CACNA1C: variants seen among roughly 807,000 people sequenced by gnomAD.
The protein encoded by CACNA1C is voltage-dependent L-type calcium channel subunit alpha-1C.
CACNA1C carries 30 observed loss-of-function variants against 229.0 expected under a neutral mutation model. The observed-to-expected ratio is 0.13, with a 90% CI of 0.10 to 0.18. The LOEUF (loss-of-function observed/expected upper bound fraction) is 0.18, where lower values mean the gene tolerates loss of function less well. Among genes scored for constraint, CACNA1C ranks in the 10% least tolerant of loss-of-function variants. The probability of loss-of-function intolerance (pLI) is 1.00; values close to 1 mark genes in which losing one functional copy is unlikely to be tolerated. For missense variants in CACNA1C, 1,658 were observed against 2,845.0 expected, an observed-to-expected ratio of 0.58 and a Z score of 9.49; for synonymous variants, 1,114 against 1,132.5, an observed-to-expected ratio of 0.98 and a Z score of 0.33.
At chr12:2,470,692 G>T (rs776621840) in intron 5 of CACNA1C, among the ~76,000 whole-genome samples, 9 of 152,208 alleles carry the variant, frequency 5.9e-5, no homozygotes, top group African/African-American at 2.2e-4. Flanking sequence ...GATTAAATAA[G>T]TAAATGCTTT....
chr12:2,172,024 G>A (rs184833830), intron 3 of CACNA1C, among the ~76,000 whole-genome samples: 62 of 152,320 alleles, frequency 4.1e-4, no homozygotes, highest in South Asian at 1.9e-3. Flanking sequence ...GTGGGAGAGC[G>A]TGAATGCAGG....
At chr12:2,071,003 CTTCT>C (rs2061002830) in intron 1 of CACNA1C, among the ~76,000 whole-genome samples, 1 of 132,976 alleles carries the variant, frequency 7.5e-6, no homozygotes, top group Non-Finnish European at 1.6e-5. Context: ...TCCTTCCTTC[CTTCT>C]CTTTCTCCTT....
rs2053174945 is a variant in CACNA1C at position 2,053,740 on chromosome 12, G to C, written c.49+129G>C. ...GCCCGGGGCCGCGTCCGCGAGGGGCGCCTCCGCCTCGTCGGAGCGCCCGGG... is the reference window on the plus strand; with the variant it reads ...GCCCGGGGCCGCGTCCGCGAGGGGCCCCTCCGCCTCGTCGGAGCGCCCGGG... On this transcript the variant is annotated intron_variant, in intron 1 of 46. Transcript: ENST00000399655. This position sits in a 1 kb window ranked among gnomAD's most constrained non-coding sequence, Gnocchi z 5.8. 2.1e-6 allele frequency: 2 copies of C among 956,782 alleles called. 1 individual carries two copies. The highest frequency in any genetic ancestry group is 3.5e-5 in the African/African-American group (2 of 57,698). 59.3% of individuals were successfully genotyped at this position (956,782 alleles called of 1,614,324 possible).
In CACNA1C at chr12:2,677,945, G is replaced by A; in HGVS notation, c.5091+78G>A. ...AGAGGTTGGGCTGGGGTTTTGCGGG[G>A]AACGTCCAGGGGAAGGAGCTGCACC... On this transcript the variant is annotated intron_variant, in intron 41 of 46. Transcript: ENST00000399655. The surrounding 1 kb of genome is among the most constrained non-coding windows in gnomAD (Gnocchi z 7.4). The A allele has an allele frequency of 6.5e-7, 1 of 1,533,426 alleles. No individual in the cohort carries two copies. The highest frequency in any genetic ancestry group is 9.0e-7 in the Non-Finnish European group (1 of 1,114,618). The allele number at this position is 1,533,426 out of a possible 1,614,324, so 95.0% of individuals were successfully genotyped here. A position where few individuals can be genotyped will look rare whatever the true frequency, so the allele number is the denominator to read the frequency against.
intron 3 of CACNA1C, among the ~76,000 whole-genome samples, chr12:2,295,450 A>G (rs2093950561): frequency 6.6e-6 from 1 of 152,120 alleles, no homozygotes; most frequent in African/African-American, 2.4e-5. Context: ...GCACGTGACA[A>G]CTGTGCCTGG....
chr12:2,138,220 A>G (rs1339450909), intron 3 of CACNA1C, among the ~76,000 whole-genome samples: 1 of 151,322 alleles, frequency 6.6e-6, no homozygotes, highest in South Asian at 2.1e-4. Flanking sequence ...AGAATAAGGA[A>G]GGCCAGGATA....
At chr12:2,367,209 A>G (rs1020641595) in intron 3 of CACNA1C, among the ~76,000 whole-genome samples, 1 of 152,222 alleles carries the variant, frequency 6.6e-6, no homozygotes, top group African/African-American at 2.4e-5. Context: ...CATGCAACCT[A>G]GATCTCTCAC....
chr12:2,066,334 G>A (rs951063360), intron 1 of CACNA1C, among the ~76,000 whole-genome samples: 1 of 152,138 alleles, frequency 6.6e-6, no homozygotes, highest in East Asian at 1.9e-4. Flanking sequence ...GGGAAGGAAC[G>A]ATGGAGAGCT....
chr12:2,541,346 T>C (rs1480606881), intron 9 of CACNA1C, among the ~76,000 whole-genome samples: 1 of 152,232 alleles, frequency 6.6e-6, no homozygotes, highest in East Asian at 1.9e-4. Context: ...ACCGTAAGTC[T>C]GATTAGTACT....
In CACNA1C at chr12:2,357,664, TAAA is replaced by T. The variant is rs550833961; in HGVS notation, c.478-91296_478-91294del. Among the ~76,000 whole-genome samples, 832 of 129,922 alleles carry T rather than the reference TAAA, an allele frequency of 6.4e-3. 8 individuals are homozygous for T. Among genetic ancestry groups the T allele is most frequent in the African/African-American group, 0.022 (768 of 34,520 alleles). 85.2% of individuals were successfully genotyped at this position (129,922 alleles called of 152,430 possible). On this transcript the variant is annotated intron_variant, in intron 3 of 46. Coordinates refer to ENST00000399655, the MANE Select transcript of CACNA1C (RefSeq NM_000719.7). ...TTTATTTGTTTGGGTTTTTTTTCCTTAAAAAAAAAAAAAAAAAAGGAATCGGCC... is the reference window on the plus strand; with the variant it reads ...TTTATTTGTTTGGGTTTTTTTTCCTTAAAAAAAAAAAAAAAGGAATCGGCC...
intron 11 of CACNA1C, among the ~76,000 whole-genome samples, chr12:2,561,627 C>T (rs1003880469): frequency 6.6e-6 from 1 of 152,144 alleles, no homozygotes; most frequent in African/African-American, 2.4e-5. Context: ...GTGGAGTTTC[C>T]GGTAGCTGGG....
rs193189808 is a variant in CACNA1C, at chr12:2,287,827, G to A, written c.478-161149G>A. On this transcript the variant is annotated intron_variant, in intron 3 of 46. Coordinates refer to ENST00000399655, the MANE Select transcript of CACNA1C (RefSeq NM_000719.7). This position sits in a 1 kb window ranked among gnomAD's most constrained non-coding sequence, Gnocchi z 4.6. ...CTAACAAGCTCCCAGGTGACTCGCT[G>A]CTGCTGGCCTGGGACCACACTTTGG... 1.4e-4 allele frequency among the ~76,000 whole-genome samples: 21 copies of A among 152,288 alleles called. No individual in the cohort carries two copies. Among genetic ancestry groups the A allele is most frequent in the African/African-American group, 4.8e-4 (20 of 41,560 alleles).
At chr12:2,299,711 G>A (rs930779248) in intron 3 of CACNA1C, among the ~76,000 whole-genome samples, 1 of 152,050 alleles carries the variant, frequency 6.6e-6, no homozygotes, top group African/African-American at 2.4e-5. Context: ...AGAAACCACC[G>A]AAAGGGGAAA....
At chr12:2,230,769 C>T (rs541733756) in intron 3 of CACNA1C, among the ~76,000 whole-genome samples, 46 of 152,314 alleles carry the variant, frequency 3.0e-4, no homozygotes, top group African/African-American at 1.0e-3. Flanking sequence ...AGCAGCTAAC[C>T]CTTCTCCGGT....
chr12:2,135,643 T>C (rs1170806034), intron 3 of CACNA1C, among the ~76,000 whole-genome samples: 2 of 141,616 alleles, frequency 1.4e-5, no homozygotes, highest in East Asian at 2.0e-4. Context: ...AGGGACCCAC[T>C]TGAAGAGGCA....
At chr12:2,049,325 T>C (rs946633326), upstream of CACNA1C, 3 of 152,166 alleles carry the variant, frequency 2.0e-5, no homozygotes, top group Admixed American at 6.5e-5. Flanking sequence ...CTTCACAGGG[T>C]TGTTTGGAGG....
At chr12:2,339,814 G>C (rs1006438678) in intron 3 of CACNA1C, among the ~76,000 whole-genome samples, 2 of 152,018 alleles carry the variant, frequency 1.3e-5, no homozygotes, top group African/African-American at 4.8e-5. Flanking sequence ...CGTGACTGTC[G>C]TACATAGTCA....
chr12:2,648,947 C>T (rs922653059), intron 31 of CACNA1C, among the ~76,000 whole-genome samples: 3 of 152,196 alleles, frequency 2.0e-5, no homozygotes, highest in South Asian at 4.2e-4. Context: ...GAAGGGTGGA[C>T]GATGATTCCT....
chr12:2,154,294 A>G (rs554271531), intron 3 of CACNA1C, among the ~76,000 whole-genome samples: 53 of 152,330 alleles, frequency 3.5e-4, no homozygotes, highest in Admixed American at 2.8e-3. Flanking sequence ...AGGGGATGGT[A>G]CACTTGGAAA....
Sources: allele counts gnomAD v4.1 joint callset (sites outside exome capture counted in the v4.1 genomes callset), GRCh38; gene constraint gnomAD v4.1.1; non-coding constraint Gnocchi (gnomAD v3.1); transcripts MANE v1.5; gene names NCBI Gene and HGNC (gene_info 2026-07-23, HGNC 2026-07-21).